Variants in SLCO3A1 observed in about 807,000 individuals in gnomAD.
The protein encoded by SLCO3A1 is solute carrier organic anion transporter family member 3A1, also known as PGE1 transporter.
In SLCO3A1, 27 loss-of-function variants were observed where a neutral mutation model predicts 63.1. The ratio of observed to expected loss-of-function variants is 0.43; its 90% confidence interval spans 0.32 to 0.59. The LOEUF (loss-of-function observed/expected upper bound fraction) is 0.59. Ranked by LOEUF, SLCO3A1 falls within the 20% of genes least tolerant of loss-of-function variation. The probability of loss-of-function intolerance (pLI) is 0.09; values close to 1 mark genes in which losing one functional copy is unlikely to be tolerated. For missense variants in SLCO3A1, 773 were observed against 945.8 expected (o/e 0.82, Z 2.40); for synonymous variants, 473 against 409.9 (o/e 1.15, Z -1.86).
chr15:92,057,359 T>C (rs1204306035), intron 2 of SLCO3A1, among the ~76,000 whole-genome samples: 1 of 152,270 alleles, frequency 6.6e-6, no homozygotes, highest in African/African-American at 2.4e-5. Context: ...ATTCGTTTTC[T>C]TATTACTCTC....
At chr15:92,166,185 G>A (rs558884316), downstream of SLCO3A1, among the ~76,000 whole-genome samples, 28 of 152,276 alleles carry the variant, frequency 1.8e-4, no homozygotes, top group South Asian at 1.0e-3. Flanking sequence ...CTCAGGGAAC[G>A]CTGGCTCTGA....
intron 2 of SLCO3A1, among the ~76,000 whole-genome samples, chr15:92,022,793 AT>A (rs1810677314): frequency 6.6e-6 from 1 of 152,198 alleles, no homozygotes; most frequent in African/African-American, 2.4e-5. Flanking sequence ...AGTAGGTAAC[AT>A]CTGCACCAGG....
chr15:92,153,316 C>T lies in SLCO3A1; in HGVS notation c.1753+2302C>T, dbSNP rs564803658. ...ACATTCTGACATTTTCTATTCTAGTCTATTACATGCTTTTAAAAAAGTTGG... is the reference window on the plus strand; with the variant it reads ...ACATTCTGACATTTTCTATTCTAGTTTATTACATGCTTTTAAAAAAGTTGG... On this transcript the variant is annotated intron_variant, in intron 9 of 9. Coordinates refer to ENST00000318445, the MANE Select transcript of SLCO3A1 (RefSeq NM_013272.4). Among the ~76,000 whole-genome samples the T allele has an allele frequency of 3.9e-5, 6 of 152,096 alleles. No individual in the cohort carries two copies. The South Asian group carries it at 6.2e-4, about 16-fold the overall frequency.
At chr15:92,047,512 TA>T (rs5814510) in intron 2 of SLCO3A1, among the ~76,000 whole-genome samples, 2 of 18,472 alleles carry the variant, frequency 1.1e-4, no homozygotes, top group African/African-American at 3.9e-4. Context: ...TAAATATATA[TA>T]AATACATAAA....
chr15:91,939,891 G>C (rs1295043722), intron 2 of SLCO3A1, among the ~76,000 whole-genome samples: 2 of 152,116 alleles, frequency 1.3e-5, no homozygotes, highest in Non-Finnish European at 2.9e-5. Flanking sequence ...CCACGGGCCA[G>C]ACACTGGTTC....
At chr15:92,160,625 G>A (rs2048424161) in intron 9 of SLCO3A1, among the ~76,000 whole-genome samples, 1 of 152,166 alleles carries the variant, frequency 6.6e-6, no homozygotes, top group South Asian at 2.1e-4. Flanking sequence ...ATTTCAACCA[G>A]AAATCTTCTC....
intron 2 of SLCO3A1, among the ~76,000 whole-genome samples, chr15:92,024,472 G>T (rs1375839789): frequency 6.6e-6 from 1 of 152,186 alleles, no homozygotes; most frequent in Non-Finnish European, 1.5e-5. Context: ...TGATTAGTCT[G>T]TATTTAAGTG....
chr15:92,093,102 G>C (rs1285881257), intron 2 of SLCO3A1, among the ~76,000 whole-genome samples: 1 of 152,162 alleles, frequency 6.6e-6, no homozygotes, highest in Non-Finnish European at 1.5e-5. Flanking sequence ...AGGGTTCTGG[G>C]TTCCCGTGTG....
chr15:91,991,180 G>A (rs1382982339), intron 2 of SLCO3A1, among the ~76,000 whole-genome samples: 1 of 152,104 alleles, frequency 6.6e-6, no homozygotes, highest in Admixed American at 6.6e-5. Context: ...GACCAGCCTG[G>A]GTAGCATAGT....
chr15:91,954,288 T>G lies in SLCO3A1; in HGVS notation c.646+37830T>G, dbSNP rs1597152852. Among the ~76,000 whole-genome samples, 1 of 152,242 alleles carries G rather than the reference T, an allele frequency of 6.6e-6. No homozygotes were observed. The highest frequency in any genetic ancestry group is 1.9e-4 in the East Asian group (1 of 5,172). On this transcript the variant is annotated intron_variant, in intron 2 of 9. Coordinates refer to ENST00000318445, the MANE Select transcript of SLCO3A1 (RefSeq NM_013272.4). The surrounding 1 kb of genome is among the most constrained non-coding windows in gnomAD (Gnocchi z 4.7). ...ACGTTCTCACTTGTCTCTGAGCCCT[T>G]TGTGAGTTTCTCAGGATAAACCATC...
chr15:92,130,824 G>GT (rs1435153637), intron 7 of SLCO3A1, among the ~76,000 whole-genome samples: 1 of 141,896 alleles, frequency 7.0e-6, no homozygotes, highest in Non-Finnish European at 1.5e-5. Context: ...TATATTCCTG[G>GT]TATGTGTACT....
In SLCO3A1 at chr15:91,950,227, A is replaced by G. The variant is rs1334394954; in HGVS notation, c.646+33769A>G. 6.6e-6 allele frequency among the ~76,000 whole-genome samples: 1 copy of G among 152,168 alleles called. No homozygotes were observed. The highest frequency in any genetic ancestry group is 1.5e-5 in the Non-Finnish European group (1 of 68,036). On this transcript the variant is annotated intron_variant, in intron 2 of 9. Coordinates refer to ENST00000318445, the MANE Select transcript of SLCO3A1 (RefSeq NM_013272.4). This position sits in a 1 kb window ranked among gnomAD's most constrained non-coding sequence, Gnocchi z 4.4. ...CTGATGGTATGGAGTCTGCATGCTC[A>G]GGGCTGCCTGCTGTGGCCAGAGATT... is the stretch of plus-strand genomic sequence containing the variant.
At chr15:92,106,883 T>C (rs1027781494) in intron 4 of SLCO3A1, among the ~76,000 whole-genome samples, 1 of 152,254 alleles carries the variant, frequency 6.6e-6, no homozygotes, top group African/African-American at 2.4e-5. Context: ...TGAGCCCTGC[T>C]ATGGCTTAAG....
chr15:91,972,481 C>A (rs1900915466), intron 2 of SLCO3A1, among the ~76,000 whole-genome samples: 1 of 152,142 alleles, frequency 6.6e-6, no homozygotes, highest in South Asian at 2.1e-4. Context: ...CAGAAAGTGG[C>A]CTTCCAACAG....
At chr15:91,906,134 G>T (rs1209654467) in intron 1 of SLCO3A1, among the ~76,000 whole-genome samples, 2 of 152,214 alleles carry the variant, frequency 1.3e-5, no homozygotes, top group South Asian at 2.1e-4. Context: ...TGGAGAGTAA[G>T]TGTGTCAGAA....
At chr15:92,054,763 C>G (rs191030865) in intron 2 of SLCO3A1, among the ~76,000 whole-genome samples, 9 of 152,236 alleles carry the variant, frequency 5.9e-5, no homozygotes, top group Non-Finnish European at 7.4e-5. Context: ...TATCCATGTC[C>G]CTGCAAAGGA....
At position 91,883,156 on chromosome 15, in the gene SLCO3A1, G is replaced by A. The variant is rs986744269; in HGVS notation, c.180+29068G>A. Among the ~76,000 whole-genome samples the A allele has an allele frequency of 2.0e-5, 3 of 152,236 alleles. No individual in the cohort carries two copies. Among genetic ancestry groups the A allele is most frequent in the Non-Finnish European group, 4.4e-5 (3 of 68,040 alleles). On this transcript the variant is annotated intron_variant, in intron 1 of 9. Transcript: ENST00000318445. This position sits in a 1 kb window ranked among gnomAD's most constrained non-coding sequence, Gnocchi z 4.8. Reference sequence around the variant, plus strand: ...CTCCATGTTACTCAGATGCTTTGAGGCTGGTGGATAACAAAGTATCCCTCC... The same window carrying A: ...CTCCATGTTACTCAGATGCTTTGAGACTGGTGGATAACAAAGTATCCCTCC...
At chr15:91,926,596 T>TGTGTGTGTGTGCGCGCGCGCGC in intron 2 of SLCO3A1, among the ~76,000 whole-genome samples, 13 of 105,308 alleles carry the variant, frequency 1.2e-4, no homozygotes, top group African/African-American at 4.4e-4. Flanking sequence ...TGTGTGTGTG[T>TGTGTGTGTGTGCGCGCGCGCGC]GCGCGCGCGC....
intron 2 of SLCO3A1, among the ~76,000 whole-genome samples, chr15:91,999,036 C>T (rs2046223335): frequency 6.6e-6 from 1 of 152,190 alleles, no homozygotes; most frequent in Admixed American, 6.5e-5. Context: ...TATGCAGGAA[C>T]AGAAAATCAA....
Sources: gnomAD v4.1 joint callset for allele counts (sites outside exome capture counted in the v4.1 genomes callset) on GRCh38, gnomAD v4.1.1 for gene constraint, Gnocchi (gnomAD v3.1) non-coding constraint, MANE v1.5 for transcripts, NCBI Gene and HGNC (gene_info 2026-07-23, HGNC 2026-07-21) for gene names.